Variants in TTC28 observed in about 807,000 individuals in gnomAD.
TTC28 encodes tetratricopeptide repeat protein 28.
In TTC28, 61 loss-of-function variants were observed where a neutral mutation model predicts 198.0. That is an observed-to-expected ratio of 0.31 (90% CI 0.25 to 0.38). The LOEUF is 0.38. TTC28 is among the 10% of genes least tolerant of loss of function. TTC28 has a pLI of 1.00. For synonymous variants in TTC28, 1,171 were observed against 1,297.8 expected (o/e 0.90, Z 2.10); for missense variants, 2,678 against 3,164.0 (o/e 0.85, Z 3.69).
At chr22:28,247,387 A>C (rs1180520847) in intron 5 of TTC28, among the ~76,000 whole-genome samples, 1 of 152,200 alleles carries the variant, frequency 6.6e-6, no homozygotes, top group Non-Finnish European at 1.5e-5. Context: ...TGAAGCTGAG[A>C]GTTGCTTACA....
intron 2 of TTC28, among the ~76,000 whole-genome samples, 177 bp from the exon 3 acceptor site, chr22:28,306,820 C>T (rs186637711): frequency 6.6e-6 from 1 of 152,312 alleles, no homozygotes; most frequent in East Asian, 1.9e-4. Flanking sequence ...ATACTTTTAT[C>T]AGGCAACTTC....
In TTC28 at chr22:27,999,230, A is replaced by C. The variant is rs182798052; in HGVS notation, c.4429T>G (p.Ser1477Ala). 77 of 1,550,794 alleles carry C rather than the reference A, an allele frequency of 5.0e-5. 2 individuals carry two copies. The Admixed American group carries it at 1.1e-3, about 23-fold the overall frequency. Residue 1477 changes from serine to alanine, a missense_variant, in exon 16 of 23, where the codon TCC becomes GCC. By Grantham distance (99) the Ser-to-Ala change is moderately conservative. Around this residue, in one of 8 missense-constraint regions of TTC28, gnomAD observed 727 missense variants for 861.9 expected, o/e 0.84. Transcript: ENST00000397906. ...SHLRKNPPTY[S>A]SSTSMAAVIG... ...ACAGCCGCCATGGATGTGGAGCTGGAGTATGTGGGCGGGTTCTTCCGTAAG... is the reference window on the plus strand; with the variant it reads ...ACAGCCGCCATGGATGTGGAGCTGGCGTATGTGGGCGGGTTCTTCCGTAAG...
At chr22:28,506,655 T>C (rs552883319) in intron 2 of TTC28, among the ~76,000 whole-genome samples, 39 of 152,292 alleles carry the variant, frequency 2.6e-4, no homozygotes, top group Non-Finnish European at 3.7e-4. Flanking sequence ...ACAGGCATGT[T>C]CGGGCCAGCA....
chr22:28,486,910 A>C (rs1019422247), intron 2 of TTC28, among the ~76,000 whole-genome samples: 8 of 152,312 alleles, frequency 5.3e-5, no homozygotes, highest in Middle Eastern at 6.8e-3. Flanking sequence ...TAATTCCTCT[A>C]ATAAACTACA....
intron 2 of TTC28, among the ~76,000 whole-genome samples, chr22:28,564,485 T>C (rs1339614571): frequency 1.3e-5 from 2 of 152,154 alleles, no homozygotes; most frequent in Non-Finnish European, 2.9e-5. Flanking sequence ...ATTTCAATTT[T>C]TAAAGAAAGT....
At position 28,634,898 on chromosome 22, in the gene TTC28, T is replaced by C. The variant is rs117261581; in HGVS notation, c.103-5068A>G. Among the ~76,000 whole-genome samples the C allele has an allele frequency of 5.0e-3, 764 of 152,294 alleles. 7 individuals carry two copies. The highest frequency in any genetic ancestry group is 0.022 in the South Asian group (104 of 4,818). ...CCACACCCGGCCCCAAGTCCTTTTC[T>C]ATCTTATCTGCAATTGATAAACTTG... On this transcript the variant is annotated intron_variant, in intron 1 of 22. Coordinates refer to ENST00000397906, the MANE Select transcript of TTC28 (RefSeq NM_001145418.2).
At chr22:28,235,377 C>T (rs1929163125) in intron 5 of TTC28, among the ~76,000 whole-genome samples, 1 of 152,164 alleles carries the variant, frequency 6.6e-6, no homozygotes, top group African/African-American at 2.4e-5. Flanking sequence ...AGTGGCAAAT[C>T]TAACTGGCCT....
chr22:28,501,871 T>C (rs551039804), intron 2 of TTC28, among the ~76,000 whole-genome samples: 7 of 152,292 alleles, frequency 4.6e-5, no homozygotes, highest in Non-Finnish European at 1.0e-4. Flanking sequence ...AATCATGACC[T>C]GCCTATTTGT....
intron 2 of TTC28, among the ~76,000 whole-genome samples, chr22:28,475,349 A>C (rs2048150058): frequency 6.6e-6 from 1 of 152,008 alleles, no homozygotes; most frequent in African/African-American, 2.4e-5. Context: ...ACCCACACTC[A>C]TACTGGGACC....
chr22:28,556,241 C>G (rs1205055089), intron 2 of TTC28, among the ~76,000 whole-genome samples: 2 of 152,022 alleles, frequency 1.3e-5, no homozygotes, highest in Admixed American at 6.6e-5. Context: ...CTCTGTAGTC[C>G]CAGCTACTCA....
Position 28,098,932 on chromosome 22 carries a change from C to T in TTC28, c.3530G>A (p.Arg1177Gln). 6 of 1,551,696 alleles carry T rather than the reference C, an allele frequency of 3.9e-6. 1 individual carries two copies. The South Asian group carries it at 5.9e-5, about 15-fold the overall frequency. Residue 1177 changes from arginine (R) to glutamine (Q), a missense_variant, in exon 10 of 23, where the codon CGG becomes CAG. Arg to Gln is a conservative substitution (Grantham distance 43, BLOSUM62 1). Around this residue, in one of 8 missense-constraint regions of TTC28, gnomAD observed 727 missense variants for 861.9 expected, o/e 0.84. Transcript: ENST00000397906. The stretch of plus-strand genomic sequence containing the variant: ...GTTCTCACCTAGGCTGACGAGCACC[C>T]GCTGCAAGGCCTGGTAGGATGATGT... ...LQTSSYQALQRVLVSLGHHDE... is the reference protein window; with the variant it reads ...LQTSSYQALQQVLVSLGHHDE...
chr22:28,228,543 T>C (rs1028811513), intron 5 of TTC28, among the ~76,000 whole-genome samples: 2 of 151,794 alleles, frequency 1.3e-5, no homozygotes, highest in African/African-American at 4.8e-5. Context: ...CTACTAAAAA[T>C]ACAAAAATTA....
chr22:28,499,509 T>C (rs543499591), intron 2 of TTC28, among the ~76,000 whole-genome samples: 8 of 152,160 alleles, frequency 5.3e-5, no homozygotes, highest in African/African-American at 1.4e-4. Flanking sequence ...AATAAGAAAA[T>C]ACCTTTTTTC....
At position 28,025,691 on chromosome 22, in the gene TTC28, C is replaced by G. The variant is rs1938803336; in HGVS notation, c.4073+4535G>C. ...CCAGCCTGGGCCACAAAGCAAGACC[C>G]TGTTGCTACAAAAAAATAATTTAAA... On this transcript the variant is annotated intron_variant, in intron 13 of 22. Transcript: ENST00000397906. 2.6e-5 allele frequency among the ~76,000 whole-genome samples: 4 copies of G among 152,154 alleles called. No homozygotes were observed. In the South Asian group the frequency reaches 8.3e-4, roughly 32 times the overall value.
At chr22:28,460,426 T>C (rs2047930804) in intron 2 of TTC28, among the ~76,000 whole-genome samples, 1 of 151,050 alleles carries the variant, frequency 6.6e-6, no homozygotes, top group Non-Finnish European at 1.5e-5. Context: ...TCCCTAAACT[T>C]TTCTATGCAT....
intron 12 of TTC28, among the ~76,000 whole-genome samples, chr22:28,093,048 C>T (rs1445036019): frequency 2.0e-5 from 3 of 152,212 alleles, no homozygotes; most frequent in Admixed American, 2.0e-4. Context: ...CTGACACTAA[C>T]TTGGCTGTCA....
intron 8 of TTC28, among the ~76,000 whole-genome samples, chr22:28,101,970 G>A (rs1418614637): frequency 6.6e-6 from 1 of 152,102 alleles, no homozygotes; most frequent in Non-Finnish European, 1.5e-5. Flanking sequence ...CAGGAGACAG[G>A]TTTGCTGGGC....
chr22:28,508,338 C>A (rs1395388907), intron 2 of TTC28, among the ~76,000 whole-genome samples: 1 of 152,132 alleles, frequency 6.6e-6, no homozygotes. Context: ...GGCTGGAGTG[C>A]AATGGCAGGA....
intron 12 of TTC28, among the ~76,000 whole-genome samples, chr22:28,078,792 A>T (rs2049287268): frequency 6.6e-6 from 1 of 152,166 alleles, no homozygotes; most frequent in African/African-American, 2.4e-5. Flanking sequence ...GAACACAAAG[A>T]GGTGAATGAA....
Sources: gnomAD v4.1 joint callset for allele counts (sites outside exome capture counted in the v4.1 genomes callset) on GRCh38, gnomAD v4.1.1 for gene constraint, gnomAD v4.1.1 regional missense constraint, MANE v1.5 for transcripts, NCBI Gene and HGNC (gene_info 2026-07-23, HGNC 2026-07-21) for gene names.